The following RHOBTB1 variants were observed in gnomAD, a reference collection of about 807,000 sequenced individuals.
RHOBTB1 encodes rho-related BTB domain-containing protein 1.
Under a neutral mutation model 71.6 loss-of-function variants are expected in RHOBTB1, and 40 were observed. The observed-to-expected ratio is 0.56, with a 90% CI of 0.43 to 0.73. RHOBTB1 has a LOEUF of 0.73. Among genes scored for constraint, RHOBTB1 ranks in the 30% least tolerant of loss-of-function variants. The probability of loss-of-function intolerance (pLI) is 0.00; values close to 1 mark genes in which losing one functional copy is unlikely to be tolerated. For missense variants in RHOBTB1, 797 were observed against 894.0 expected (o/e 0.89, Z 1.38); for synonymous variants, 319 against 334.9 (o/e 0.95, Z 0.52).
chr10:60,864,374 C>A, the RHOBTB1 span, among the ~76,000 whole-genome samples: 2 of 152,118 alleles, frequency 1.3e-5, no homozygotes, highest in Admixed American at 1.3e-4. Flanking sequence ...TTTTTGGACT[C>A]TGGTAGAGTG....
chr10:60,975,416 C>G (rs2086284308), intron 2 of RHOBTB1, among the ~76,000 whole-genome samples: 1 of 152,102 alleles, frequency 6.6e-6, no homozygotes, highest in African/African-American at 2.4e-5. Context: ...TCTCTCTGTT[C>G]TGTACTTGCA....
chr10:60,941,891 G>A (rs968564579), intron 1 of RHOBTB1, 37 bp from the exon 2 acceptor site: 1 of 152,156 alleles, frequency 6.6e-6, no homozygotes, highest in African/African-American at 2.4e-5. Context: ...AAATTCTACT[G>A]CCTGCCAGGA....
intron 2 of RHOBTB1, among the ~76,000 whole-genome samples, chr10:60,974,691 G>T (rs2086261566): frequency 6.6e-6 from 1 of 152,040 alleles, no homozygotes; most frequent in South Asian, 2.1e-4. Flanking sequence ...CATGTTGCTA[G>T]CAGTTGATTC....
chr10:60,928,517 G>T (rs2084027245), intron 2 of RHOBTB1, among the ~76,000 whole-genome samples: 1 of 151,472 alleles, frequency 6.6e-6, no homozygotes, highest in Non-Finnish European at 1.5e-5. Context: ...AATAAACCAG[G>T]CACTAAAAGA....
rs984030073 is a variant in RHOBTB1, at chr10:60,971,189, A to T, written c.-62+14656T>A. Among the ~76,000 whole-genome samples, 13 of 152,052 alleles carry T rather than the reference A, an allele frequency of 8.5e-5. 1 individual carries two copies. The highest frequency in any genetic ancestry group is 8.5e-4 in the Admixed American group (13 of 15,218). On this transcript the variant is annotated intron_variant, in intron 2 of 11. Coordinates refer to the RHOBTB1 transcript ENST00000357917. ...TTGTATTTGTAGAAATTATTTATAA[A>T]ATTTTCTACTGGTTCCAAAATAGCT...
At chr10:60,895,438 C>G (rs1405713911) in intron 4 of RHOBTB1, among the ~76,000 whole-genome samples, 1 of 152,070 alleles carries the variant, frequency 6.6e-6, no homozygotes, top group South Asian at 2.1e-4. Context: ...GAGTTTTGCT[C>G]TTGTTGCCCA....
chr10:60,972,745 T>C (rs1470879407), intron 2 of RHOBTB1, among the ~76,000 whole-genome samples: 1 of 152,006 alleles, frequency 6.6e-6, no homozygotes, highest in African/African-American at 2.4e-5. Context: ...AGTATGATCA[T>C]CAGCTTAGCA....
chr10:61,001,072 G>A (rs1464152543), intron 1 of RHOBTB1, among the ~76,000 whole-genome samples: 2 of 151,838 alleles, frequency 1.3e-5, no homozygotes, highest in Non-Finnish European at 2.9e-5. Flanking sequence ...GTGCGCGCGC[G>A]CGCACGCGTG....
At chr10:60,946,595 G>T (rs2085245847), upstream of RHOBTB1, among the ~76,000 whole-genome samples, 2 of 152,192 alleles carry the variant, frequency 1.3e-5, no homozygotes, top group African/African-American at 4.8e-5. Flanking sequence ...GGGGTTGTCT[G>T]TGCCAAAGTC....
chr10:60,943,821 G>A, intron 1 of RHOBTB1, 150 bp downstream of exon 1: 1 of 152,222 alleles, frequency 6.6e-6, no homozygotes, highest in Non-Finnish European at 1.5e-5. Context: ...CTAGCGGCTC[G>A]GTCCCACAAC....
At chr10:60,864,040 A>G in the RHOBTB1 span, among the ~76,000 whole-genome samples, 1 of 152,166 alleles carries the variant, frequency 6.6e-6, no homozygotes, top group Admixed American at 6.5e-5. Context: ...CCACTCGTGC[A>G]GGAATATAAA....
intron 1 of RHOBTB1, among the ~76,000 whole-genome samples, chr10:60,994,807 T>A (rs554693894): frequency 2.0e-5 from 3 of 152,194 alleles, no homozygotes; most frequent in African/African-American, 4.8e-5. Context: ...TTCCATCTCA[T>A]AAGTTTATGA....
chr10:60,914,122 T>C (rs529611910), intron 2 of RHOBTB1, among the ~76,000 whole-genome samples: 1 of 152,212 alleles, frequency 6.6e-6, no homozygotes, highest in South Asian at 2.1e-4. Context: ...AGTAACTCAC[T>C]GAAAATTAAA....
At chr10:60,925,437 C>T (rs1309847361) in intron 2 of RHOBTB1, among the ~76,000 whole-genome samples, 2 of 151,984 alleles carry the variant, frequency 1.3e-5, no homozygotes, top group Non-Finnish European at 2.9e-5. Context: ...ACAAATGGTA[C>T]TCAGAGGAAA....
At chr10:60,879,832 G>T (rs1242820677) in intron 7 of RHOBTB1, among the ~76,000 whole-genome samples, 2 of 151,972 alleles carry the variant, frequency 1.3e-5, no homozygotes, top group Non-Finnish European at 2.9e-5. Flanking sequence ...GCACACACAT[G>T]CATGGAGCCA....
At chr10:60,908,697 A>G (rs951874947) in intron 4 of RHOBTB1, among the ~76,000 whole-genome samples, 2 of 152,188 alleles carry the variant, frequency 1.3e-5, no homozygotes, top group Non-Finnish European at 2.9e-5. Flanking sequence ...CATTACGTCA[A>G]TGTGATATTA....
chr10:60,987,333 T>C (rs2086699789), intron 1 of RHOBTB1, among the ~76,000 whole-genome samples: 1 of 152,164 alleles, frequency 6.6e-6, no homozygotes, highest in African/African-American at 2.4e-5. Context: ...GCTTAAATTA[T>C]ATCTTTTTGG....
chr10:60,977,346 A>G (rs1163331592), intron 2 of RHOBTB1, among the ~76,000 whole-genome samples: 1 of 152,070 alleles, frequency 6.6e-6, no homozygotes, highest in Non-Finnish European at 1.5e-5. Flanking sequence ...TGCCCTATTT[A>G]TGAAACCTTA....
At chr10:60,943,521 T>A (rs1296693584) in intron 1 of RHOBTB1, among the ~76,000 whole-genome samples, 1 of 152,108 alleles carries the variant, frequency 6.6e-6, no homozygotes, top group Non-Finnish European at 1.5e-5. Context: ...GACTGTGGGC[T>A]GGCCAGTCAA....
Sources: allele counts gnomAD v4.1 joint callset (sites outside exome capture counted in the v4.1 genomes callset), GRCh38; gene constraint gnomAD v4.1.1; transcripts MANE v1.5; gene names NCBI Gene and HGNC (gene_info 2026-07-23, HGNC 2026-07-21).